The following UPP2 variants were observed in gnomAD, a reference collection of about 807,000 sequenced individuals.
UPP2 encodes uridine phosphorylase 2.
In UPP2, 23 loss-of-function variants were observed where a neutral mutation model predicts 26.7. The observed-to-expected ratio is 0.86, with a 90% CI of 0.62 to 1.22. The LOEUF (loss-of-function observed/expected upper bound fraction) is 1.22. Ranked by LOEUF, UPP2 falls within the 50% of genes most tolerant of loss-of-function variation. The pLI is 0.00. For synonymous variants in UPP2, 127 were observed against 141.3 expected, an observed-to-expected ratio of 0.90 and a Z score of 0.72; for missense variants, 387 against 396.7, an observed-to-expected ratio of 0.98 and a Z score of 0.21.
intron 3 of UPP2, among the ~76,000 whole-genome samples, chr2:158,044,351 G>C (rs893803347): frequency 6.6e-6 from 1 of 152,092 alleles, no homozygotes; most frequent in Non-Finnish European, 1.5e-5. Flanking sequence ...CTGCACTGAG[G>C]CAAATCCAAC....
Position 157,996,172 on chromosome 2 carries a change from CA to C in UPP2, c.61+914del, listed in dbSNP as rs375800372. Among the ~76,000 whole-genome samples, 864 of 152,264 alleles carry C rather than the reference CA, an allele frequency of 5.7e-3. 4 individuals are homozygous for C. The highest frequency in any genetic ancestry group is 0.018 in the African/African-American group (748 of 41,556). ...GCCACTCTACCATACACACTGTGACCACATGATTGTAGAGGCAACATTGCCT... is the reference window on the plus strand; with the variant it reads ...GCCACTCTACCATACACACTGTGACCCATGATTGTAGAGGCAACATTGCCT... On this transcript the variant is annotated intron_variant, in intron 2 of 9. Coordinates refer to the UPP2 transcript ENST00000605860.
intron 3 of UPP2, among the ~76,000 whole-genome samples, chr2:158,073,735 G>C (rs1682581515): frequency 6.6e-6 from 1 of 152,158 alleles, no homozygotes. Context: ...CATATCCAAT[G>C]AAAATATCCT....
chr2:158,026,303 G>T (rs1284274730), intron 3 of UPP2, among the ~76,000 whole-genome samples: 2 of 152,078 alleles, frequency 1.3e-5, no homozygotes, highest in Non-Finnish European at 2.9e-5. Flanking sequence ...CTAGAAATAT[G>T]CCTTCAGCTC....
chr2:158,116,114 G>A (rs937980065), intron 3 of UPP2, among the ~76,000 whole-genome samples: 2 of 152,112 alleles, frequency 1.3e-5, no homozygotes, highest in African/African-American at 2.4e-5. Flanking sequence ...GAAAACCTGC[G>A]GTAAAGAAGG....
At chr2:158,088,604 G>A (rs904315541) in intron 3 of UPP2, among the ~76,000 whole-genome samples, 2 of 152,178 alleles carry the variant, frequency 1.3e-5, no homozygotes, top group African/African-American at 2.4e-5. Context: ...TCTCATATGG[G>A]TAGACTATGT....
intron 5 of UPP2, among the ~76,000 whole-genome samples, chr2:158,121,992 G>A (rs1176674151): frequency 3.9e-5 from 6 of 151,926 alleles, no homozygotes; most frequent in Non-Finnish European, 8.8e-5. Context: ...CTGTCCCCCG[G>A]AAACAGTGGT....
chr2:158,029,762 T>C (rs1242972321), intron 3 of UPP2, among the ~76,000 whole-genome samples: 1 of 151,906 alleles, frequency 6.6e-6, no homozygotes, highest in East Asian at 1.9e-4. Context: ...TCAAGACTTC[T>C]TGAAGTTTCT....
At chr2:158,130,430 G>T (rs1683790930) in intron 6 of UPP2, among the ~76,000 whole-genome samples, 2 of 134,272 alleles carry the variant, frequency 1.5e-5, no homozygotes, top group African/African-American at 5.7e-5. Context: ...CAGCCTGGGT[G>T]ACAGAGCAAG....
intron 3 of UPP2, among the ~76,000 whole-genome samples, chr2:158,030,772 C>T (rs1392103727): frequency 6.6e-6 from 1 of 152,220 alleles, no homozygotes; most frequent in Non-Finnish European, 1.5e-5. Context: ...CATCCCACTT[C>T]TCTAAGAAGC....
At chr2:158,084,621 T>G (rs1396872500) in intron 3 of UPP2, among the ~76,000 whole-genome samples, 1 of 152,192 alleles carries the variant, frequency 6.6e-6, no homozygotes, top group Non-Finnish European at 1.5e-5. Flanking sequence ...ATTTTTACAG[T>G]TTCAGGTTTC....
intron 3 of UPP2, among the ~76,000 whole-genome samples, chr2:158,092,702 A>T (rs1682929324): frequency 6.6e-6 from 1 of 152,224 alleles, no homozygotes; most frequent in South Asian, 2.1e-4. Context: ...ACTAAAAGGG[A>T]GGAAGGGATG....
chr2:158,091,932 G>T (rs1209560514), intron 3 of UPP2, among the ~76,000 whole-genome samples: 1 of 152,154 alleles, frequency 6.6e-6, no homozygotes. Flanking sequence ...AGAAGGCATT[G>T]CATAGTTATA....
At chr2:158,087,409 A>G (rs568142256) in intron 3 of UPP2, among the ~76,000 whole-genome samples, 1 of 152,312 alleles carries the variant, frequency 6.6e-6, no homozygotes, top group East Asian at 1.9e-4. Flanking sequence ...TCTTGAAGAC[A>G]GCAGATCCTT....
intron 3 of UPP2, among the ~76,000 whole-genome samples, chr2:158,067,928 C>CAT (rs5835688): frequency 0.68 from 102,929 of 151,838 alleles, 35,271 homozygotes; most frequent in Admixed American, 0.73. Context: ...CATTATGTCA[C>CAT]ATGTTATATT....
intron 6 of UPP2, 52 bp from the exon 7 acceptor site, chr2:158,134,696 A>G: frequency 2.0e-6 from 3 of 1,529,616 alleles, no homozygotes; most frequent in South Asian, 1.3e-5. Context: ...TAATGCTTCT[A>G]TAGAAAAGAT....
At chr2:158,012,002 A>G (rs901303088) in intron 2 of UPP2, among the ~76,000 whole-genome samples, 19 of 152,108 alleles carry the variant, frequency 1.2e-4, no homozygotes, top group African/African-American at 4.3e-4. Flanking sequence ...GCTTACACCA[A>G]GAATGCTGGT....
At chr2:158,132,253 G>A (rs980570985) in intron 6 of UPP2, among the ~76,000 whole-genome samples, 2 of 152,286 alleles carry the variant, frequency 1.3e-5, no homozygotes, top group Non-Finnish European at 2.9e-5. Flanking sequence ...TGCTTTTCAC[G>A]TCACTGAACA....
intron 2 of UPP2, among the ~76,000 whole-genome samples, chr2:158,004,320 T>C (rs1036810907): frequency 6.6e-6 from 1 of 152,132 alleles, no homozygotes; most frequent in Admixed American, 6.6e-5. Context: ...AATTAATTCT[T>C]GTTGCTAATG....
chr2:158,053,531 T>G (rs570219794), intron 3 of UPP2, among the ~76,000 whole-genome samples: 16 of 152,304 alleles, frequency 1.1e-4, no homozygotes, highest in African/African-American at 3.6e-4. Context: ...CTCAGTACCA[T>G]GTACAGGGCT....
Sources: gnomAD v4.1 joint callset for allele counts (sites outside exome capture counted in the v4.1 genomes callset) on GRCh38, gnomAD v4.1.1 for gene constraint, MANE v1.5 for transcripts, NCBI Gene and HGNC (gene_info 2026-07-23, HGNC 2026-07-21) for gene names.